The following SULT4A1 variants were observed in gnomAD, a reference collection of about 807,000 sequenced individuals.
SULT4A1 encodes the protein sulfotransferase 4A1.
SULT4A1 carries 11 observed loss-of-function variants against 35.2 expected under a neutral mutation model. The ratio of observed to expected loss-of-function variants is 0.31; its 90% CI spans 0.20 to 0.52. SULT4A1 has a LOEUF of 0.52. Among genes scored for constraint, SULT4A1 ranks in the 20% least tolerant of loss-of-function variants. The pLI is 0.97. For synonymous variants in SULT4A1, 152 were observed against 151.8 expected, an observed-to-expected ratio of 1.00 and a Z score of -0.01; for missense variants, 271 against 383.7, an observed-to-expected ratio of 0.71 and a Z score of 2.45.
intron 1 of SULT4A1, among the ~76,000 whole-genome samples, chr22:43,855,949 G>A (rs1214346956): frequency 1.3e-5 from 2 of 152,208 alleles, no homozygotes; most frequent in Non-Finnish European, 2.9e-5. Flanking sequence ...GGTGGCGAGA[G>A]GAATTCAGGT....
chr22:43,851,343 T>C (rs1325765612), intron 1 of SULT4A1, among the ~76,000 whole-genome samples: 1 of 152,218 alleles, frequency 6.6e-6, no homozygotes, highest in Non-Finnish European at 1.5e-5. Flanking sequence ...TAGGTTTTCT[T>C]CTGCTCCTCA....
chr22:43,862,396 C>CCGT lies in SULT4A1; in HGVS notation c.-17_-15dup. On this transcript the variant is annotated 5_prime_UTR_variant, in exon 1 of 7. Transcript: ENST00000330884. Reference sequence around the variant, plus strand: ...GCTCTCCGCCATGCCGCCGCCGTCGCCGTCGCCGCCGCCGCCTCCCGGCTC... The same window carrying CCGT: ...GCTCTCCGCCATGCCGCCGCCGTCGCCGTCGTCGCCGCCGCCGCCTCCCGGCTC... The CCGT allele has an allele frequency of 7.9e-7, 1 of 1,263,480 alleles. No homozygotes were observed. The highest frequency in any genetic ancestry group is 1.0e-6 in the Non-Finnish European group (1 of 984,696). The allele number at this position is 1,263,480 out of a possible 1,614,324, so 78.3% of individuals were successfully genotyped here. A position where few individuals can be genotyped will look rare whatever the true frequency, so the allele number is the denominator to read the frequency against.
chr22:43,845,762 G>A (rs1426954133), intron 1 of SULT4A1, among the ~76,000 whole-genome samples: 6 of 152,212 alleles, frequency 3.9e-5, no homozygotes, highest in Admixed American at 2.0e-4. Context: ...TCAGATCAGC[G>A]GGAACACGAG....
At chr22:43,854,679 C>G (rs2049381928) in intron 1 of SULT4A1, among the ~76,000 whole-genome samples, 2 of 152,168 alleles carry the variant, frequency 1.3e-5, no homozygotes, top group Non-Finnish European at 2.9e-5. Flanking sequence ...TGAGCCACAC[C>G]CAACCACTAA....
chr22:43,829,070 G>C lies in SULT4A1; in HGVS notation c.732C>G (p.Pro244=), dbSNP rs781641415. ...GGGTGGGGCACGTACCCCGGCCCACGGGCAGGGCCTCAGCGTTGCAGCACT... is the reference window on the plus strand; with the variant it reads ...GGGTGGGGCACGTACCCCGGCCCACCGGCAGGGCCTCAGCGTTGCAGCACT... The part of the protein sequence containing the change: ...VDQCCNAEAL[P]VGRGRVGLWK... Residue 244 remains proline, a synonymous_variant, in exon 6 of 7, where the codon CCC becomes CCG. Coordinates refer to ENST00000330884, the MANE Select transcript of SULT4A1 (RefSeq NM_014351.4). The C allele has an allele frequency of 3.3e-6, 5 of 1,532,094 alleles. No individual in the cohort carries two copies. Among genetic ancestry groups the C allele is most frequent in the South Asian group, 1.2e-5 (1 of 82,492 alleles). The allele number at this position is 1,532,094 out of a possible 1,614,324, so 94.9% of individuals were successfully genotyped here.
intron 1 of SULT4A1, among the ~76,000 whole-genome samples, chr22:43,852,311 G>A (rs1241129996): frequency 1.3e-5 from 2 of 151,438 alleles, no homozygotes; most frequent in Non-Finnish European, 2.9e-5. Flanking sequence ...GGGACCACAG[G>A]CACACACCAC....
rs549267654 is a variant in SULT4A1, at chr22:43,862,431, ACGCGCCCGCGCCCGCGCC to A, written c.-67_-50del. 104 of 963,718 alleles carry A rather than the reference ACGCGCCCGCGCCCGCGCC, an allele frequency of 1.1e-4. No homozygotes were observed. Among genetic ancestry groups the A allele is most frequent in the South Asian group, 2.3e-4 (5 of 21,330 alleles). The allele number at this position is 963,718 out of a possible 1,614,324, so 59.7% of individuals were successfully genotyped here. On this transcript the variant is annotated 5_prime_UTR_variant, in exon 1 of 7. Transcript: ENST00000330884. The stretch of plus-strand genomic sequence containing the variant: ...CGCCGCCTCCCGGCTCGCAGCCCGC[ACGCGCCCGCGCCCGCGCC>A]CGCGCCCGCGCCCCGCACACGCTCG...
intron 1 of SULT4A1, among the ~76,000 whole-genome samples, chr22:43,847,685 G>C (rs1293935924): frequency 6.6e-6 from 1 of 151,672 alleles, no homozygotes; most frequent in East Asian, 2.0e-4. Flanking sequence ...GCTTGGGCTT[G>C]CTCTGTGGGT....
chr22:43,861,318 G>A (rs2049465862), intron 1 of SULT4A1, among the ~76,000 whole-genome samples: 1 of 152,160 alleles, frequency 6.6e-6, no homozygotes, highest in Non-Finnish European at 1.5e-5. Flanking sequence ...TCTAAACCAC[G>A]CTGTGATTGC....
In SULT4A1 at chr22:43,855,517, A is replaced by G. The variant is rs552425028; in HGVS notation, c.169+6697T>C. On this transcript the variant is annotated intron_variant, in intron 1 of 6. Transcript: ENST00000330884. ...GGGCCTCTGGCTCACCAGCCCCCACAAAATGACTGGTTTAGCTTCCAGAAA... is the reference window on the plus strand; with the variant it reads ...GGGCCTCTGGCTCACCAGCCCCCACGAAATGACTGGTTTAGCTTCCAGAAA... Among the ~76,000 whole-genome samples, 3 of 152,274 alleles carry G rather than the reference A, an allele frequency of 2.0e-5. No homozygotes were observed. In the East Asian group the frequency reaches 5.8e-4, roughly 29 times the overall value.
chr22:43,850,810 C>A (rs1201730377), intron 1 of SULT4A1, among the ~76,000 whole-genome samples: 2 of 152,100 alleles, frequency 1.3e-5, no homozygotes, highest in African/African-American at 2.4e-5. Flanking sequence ...TACAGAAGCC[C>A]AGGCTGGAGA....
intron 1 of SULT4A1, among the ~76,000 whole-genome samples, chr22:43,855,154 G>A (rs553033812): frequency 2.8e-4 from 43 of 152,266 alleles, no homozygotes; most frequent in African/African-American, 9.1e-4. Context: ...TCATGACCCC[G>A]GGGCTGGCAC....
chr22:43,853,679 C>T (rs1347423869), intron 1 of SULT4A1, among the ~76,000 whole-genome samples: 1 of 152,236 alleles, frequency 6.6e-6, no homozygotes, highest in Non-Finnish European at 1.5e-5. Flanking sequence ...TCTGGGAGGC[C>T]TGAAAGTCAC....
chr22:43,847,321 AC>A (rs34388900), intron 1 of SULT4A1, among the ~76,000 whole-genome samples: 1 of 152,200 alleles, frequency 6.6e-6, no homozygotes, highest in Non-Finnish European at 1.5e-5. Flanking sequence ...CTGGTCACTT[AC>A]CCCATTCCAG....
intron 4 of SULT4A1, 39 bp downstream of exon 4, chr22:43,838,828 G>A (rs377044785): frequency 1.8e-5 from 29 of 1,611,636 alleles, no homozygotes; most frequent in Middle Eastern, 1.7e-4. Flanking sequence ...GACAACAGAC[G>A]GCTCCGGTTC....
chr22:43,844,033 G>C (rs1295198878), intron 1 of SULT4A1, among the ~76,000 whole-genome samples: 1 of 152,182 alleles, frequency 6.6e-6, no homozygotes, highest in Non-Finnish European at 1.5e-5. Flanking sequence ...GAACTGGACT[G>C]GGGGACATCC....
At chr22:43,833,571 C>T in intron 5 of SULT4A1, 69 bp downstream of exon 5, 7 of 1,256,552 alleles carry the variant, frequency 5.6e-6, no homozygotes, top group Non-Finnish European at 7.7e-6. Context: ...CTGTAAAGGG[C>T]TCCTGCGTCA....
chr22:43,834,093 GTTGC>G (rs753962527), intron 4 of SULT4A1, among the ~76,000 whole-genome samples: 18 of 152,306 alleles, frequency 1.2e-4, no homozygotes, highest in Non-Finnish European at 2.6e-4. Context: ...GGCCGCTAGG[GTTGC>G]TAGTGGGGAC....
chr22:43,826,196 G>A (rs1444674858), intron 6 of SULT4A1, 83 bp from the exon 7 acceptor site: 8 of 1,582,428 alleles, frequency 5.1e-6, no homozygotes, highest in Non-Finnish European at 6.8e-6. Flanking sequence ...AAATGGATCT[G>A]GAACATTCCA....
Sources: gnomAD v4.1 joint callset for allele counts (sites outside exome capture counted in the v4.1 genomes callset) on GRCh38, gnomAD v4.1.1 for gene constraint, MANE v1.5 for transcripts, NCBI Gene and HGNC (gene_info 2026-07-23, HGNC 2026-07-21) for gene names.